Variants in GLRA2 observed in about 807,000 individuals in gnomAD.
The protein encoded by GLRA2 is glycine receptor alpha 2, also known as glycine receptor subunit alpha-2.
A neutral mutation model predicts 31.6 loss-of-function variants in GLRA2; 11 were observed. The observed-to-expected ratio is 0.35, with a 90% CI of 0.22 to 0.58. The LOEUF (loss-of-function observed/expected upper bound fraction) is 0.58, where lower values mean the gene tolerates loss of function less well. Ranked by LOEUF, GLRA2 falls within the 20% of genes least tolerant of loss-of-function variation. GLRA2 has a pLI of 0.84. For synonymous variants in GLRA2, 132 were observed against 134.0 expected (o/e 0.99, Z 0.10); for missense variants, 212 against 351.8 (o/e 0.60, Z 3.18).
chrX:14,493,520 C>CACATATATACACATATATATATATAT, the GLRA2 span, among the ~76,000 whole-genome samples: 2 of 102,925 alleles, frequency 1.9e-5, no homozygotes, highest in African/African-American at 7.0e-5. Context: ...TATATATATA[C>CACATATATACACATATATATATATAT]ACACATATAT....
rs537940858 is a variant in GLRA2, at chrX:14,605,738, T to C, written c.577+1341T>C. ...GTGAAGGGTGGGAATTATTATTTTT[T>C]TCCTTTTCTATCCCAATATTACTTT... On this transcript the variant is annotated intron_variant, in intron 5 of 8. Transcript: ENST00000218075. Among the ~76,000 whole-genome samples the C allele has an allele frequency of 1.5e-4, 17 of 112,009 alleles. No homozygotes were observed. The East Asian group carries it at 3.1e-3, about 21-fold the overall frequency.
chrX:14,593,490 T>G (rs2090166716), intron 4 of GLRA2, among the ~76,000 whole-genome samples: 1 of 112,228 alleles, frequency 8.9e-6, no homozygotes, highest in South Asian at 3.7e-4. Flanking sequence ...GTATGGATAT[T>G]TTGCTAAACT....
intron 8 of GLRA2, among the ~76,000 whole-genome samples, chrX:14,723,043 T>G (rs1281111494): frequency 8.9e-6 from 1 of 112,293 alleles, no homozygotes; most frequent in Non-Finnish European, 1.9e-5. Context: ...TGCAAACAGT[T>G]TGGGGTTGAA....
At chrX:14,526,038 G>A (rs765323494), upstream of GLRA2, among the ~76,000 whole-genome samples, 2 of 111,955 alleles carry the variant, frequency 1.8e-5, no homozygotes, top group South Asian at 3.7e-4. Context: ...CAATGATGAC[G>A]AGCTCCTTGA....
intron 7 of GLRA2, among the ~76,000 whole-genome samples, chrX:14,663,516 TACACAC>T (rs751970033): frequency 9.6e-6 from 1 of 104,022 alleles, no homozygotes; most frequent in African/African-American, 3.5e-5. Flanking sequence ...TAGAAAAGAT[TACACAC>T]ACACACACAC....
At chrX:14,679,152 A>G (rs1188990130) in intron 7 of GLRA2, among the ~76,000 whole-genome samples, 1 of 110,667 alleles carries the variant, frequency 9.0e-6, no homozygotes, top group African/African-American at 3.3e-5. Flanking sequence ...ATAAGAAGAA[A>G]GCTATAGGAG....
rs748228900 is a variant in GLRA2, at chrX:14,540,363, G to T, written c.202+7991G>T. ...CTAATGAAACCTGTGGAGGAATGTA[G>T]TCAATTTGTGCTATCCTAGCAGGAA... On this transcript the variant is annotated intron_variant, in intron 2 of 8. Coordinates refer to ENST00000218075, the MANE Select transcript of GLRA2 (RefSeq NM_002063.4). Among the ~76,000 whole-genome samples, 4 of 111,375 alleles carry T rather than the reference G, an allele frequency of 3.6e-5. No homozygotes were observed. The East Asian group carries it at 1.1e-3, about 32-fold the overall frequency.
the GLRA2 span, among the ~76,000 whole-genome samples, chrX:14,465,654 C>A: frequency 4.5e-5 from 5 of 112,060 alleles, no homozygotes; most frequent in African/African-American, 1.6e-4. Context: ...AAAATTGGGT[C>A]TCAGTTTCTC....
chrX:14,472,399 C>T, the GLRA2 span, among the ~76,000 whole-genome samples: 1 of 111,383 alleles, frequency 9.0e-6, no homozygotes, highest in Non-Finnish European at 1.9e-5. Context: ...ACATATGCAG[C>T]ATGTGTAGGT....
the GLRA2 span, among the ~76,000 whole-genome samples, chrX:14,480,504 A>G: frequency 8.9e-6 from 1 of 111,940 alleles, no homozygotes; most frequent in African/African-American, 3.2e-5. Flanking sequence ...GAGATCTCAC[A>G]TTTAAGTCTT....
intron 7 of GLRA2, among the ~76,000 whole-genome samples, chrX:14,662,512 C>T (rs1291073515): frequency 8.9e-6 from 1 of 111,919 alleles, no homozygotes; most frequent in African/African-American, 3.2e-5. Context: ...TCCTGATAAG[C>T]ATTCCAGGCT....
At chrX:14,462,424 T>A in the GLRA2 span, among the ~76,000 whole-genome samples, 1 of 111,889 alleles carries the variant, frequency 8.9e-6, no homozygotes, top group Admixed American at 9.4e-5. Context: ...TTCTCCTGGA[T>A]AATATCCTGA....
chrX:14,547,695 C>T (rs1185912019), intron 2 of GLRA2, among the ~76,000 whole-genome samples: 3 of 111,495 alleles, frequency 2.7e-5, no homozygotes, highest in Admixed American at 9.5e-5. Context: ...TTGGCACTTG[C>T]ATTTCTCTCT....
the GLRA2 span, among the ~76,000 whole-genome samples, chrX:14,487,975 C>T: frequency 1.8e-5 from 2 of 111,813 alleles, no homozygotes; most frequent in Non-Finnish European, 3.8e-5. Flanking sequence ...TCCCTCTTTT[C>T]CATTGCACAT....
intron 4 of GLRA2, among the ~76,000 whole-genome samples, chrX:14,597,561 G>A (rs1274583232): frequency 9.0e-6 from 1 of 111,007 alleles, no homozygotes; most frequent in Non-Finnish European, 1.9e-5. Context: ...GGGAGAGGCT[G>A]GAGGAGTTTT....
chrX:14,585,532 T>C (rs1207300460), intron 4 of GLRA2, among the ~76,000 whole-genome samples: 2 of 111,492 alleles, frequency 1.8e-5, no homozygotes, highest in Non-Finnish European at 3.8e-5. Flanking sequence ...AGCTGCAGGT[T>C]TGACTCAAAT....
chrX:14,480,202 A>G, the GLRA2 span, among the ~76,000 whole-genome samples: 3 of 111,696 alleles, frequency 2.7e-5, no homozygotes, highest in Admixed American at 9.4e-5. Context: ...CCCATTTTTA[A>G]TGGGGTTATT....
chrX:14,727,127 G>T (rs1720410512), intron 8 of GLRA2, among the ~76,000 whole-genome samples: 1 of 111,429 alleles, frequency 9.0e-6, no homozygotes, highest in African/African-American at 3.3e-5. Flanking sequence ...CTAGACCAGT[G>T]GTTTCCAACA....
chrX:14,493,626 T>C, the GLRA2 span, among the ~76,000 whole-genome samples: 3 of 101,314 alleles, frequency 3.0e-5, no homozygotes, highest in Admixed American at 1.1e-4. Flanking sequence ...TATATACACA[T>C]ATATACATAT....
Sources: gnomAD v4.1 joint callset for allele counts (sites outside exome capture counted in the v4.1 genomes callset) on GRCh38, gnomAD v4.1.1 for gene constraint, MANE v1.5 for transcripts, NCBI Gene and HGNC (gene_info 2026-07-23, HGNC 2026-07-21) for gene names.